The following PPARG variants were observed in gnomAD, a reference collection of about 807,000 sequenced individuals.
PPARG encodes peroxisome proliferator activated receptor gamma.
Under a neutral mutation model 39.2 loss-of-function variants are expected in PPARG, and 17 were observed. The ratio of observed to expected loss-of-function variants is 0.43; its 90% confidence interval spans 0.30 to 0.65. The LOEUF is 0.65. PPARG is among the 30% of genes least tolerant of loss of function. The pLI, the probability that PPARG is intolerant of heterozygous loss-of-function variation, is 0.13. For missense variants in PPARG, 406 were observed against 585.9 expected, an observed-to-expected ratio of 0.69 and a Z score of 3.17; for synonymous variants, 223 against 215.7, an observed-to-expected ratio of 1.03 and a Z score of -0.30.
At chr3:12,401,015 T>C (rs909461190) in intron 5 of PPARG, among the ~76,000 whole-genome samples, 24 of 152,344 alleles carry the variant, frequency 1.6e-4, no homozygotes, top group African/African-American at 5.3e-4. Context: ...CAGTAAGACA[T>C]GAAGCATTTT....
chr3:12,287,505 C>T (rs2046526132), upstream of PPARG: 3 of 152,178 alleles, frequency 2.0e-5, no homozygotes, highest in Non-Finnish European at 4.4e-5. Context: ...ACGGCCTGGC[C>T]GATCGCCGTG....
At chr3:12,354,186 C>A (rs2048580786) in intron 2 of PPARG, among the ~76,000 whole-genome samples, 1 of 152,162 alleles carries the variant, frequency 6.6e-6, no homozygotes, top group African/African-American at 2.4e-5. Context: ...AAAGTTTTCA[C>A]CTTTCCAGAA....
In PPARG at chr3:12,386,159, C is replaced by T. The variant is rs182669015; in HGVS notation, c.390+4668C>T. ...ATAAAAAAGTGTTATTAGAGTGTTT[C>T]TTCATCAGTAATATGAAGAAAATTT... On this transcript the variant is annotated intron_variant, in intron 4 of 7. Coordinates refer to ENST00000651735, the MANE Select transcript of PPARG (RefSeq NM_138711.6). 3.1e-3 allele frequency among the ~76,000 whole-genome samples: 467 copies of T among 152,186 alleles called. 2 individuals are homozygous for T. Among genetic ancestry groups the T allele is most frequent in the South Asian group, 9.8e-3 (47 of 4,810 alleles).
chr3:12,389,481 G>A (rs2049993156), intron 4 of PPARG, among the ~76,000 whole-genome samples: 1 of 152,118 alleles, frequency 6.6e-6, no homozygotes, highest in Admixed American at 6.5e-5. Flanking sequence ...AAAGAGAAAA[G>A]GTAGATCACC....
At chr3:12,318,986 AT>A (rs1203418449) in intron 2 of PPARG, among the ~76,000 whole-genome samples, 1 of 152,214 alleles carries the variant, frequency 6.6e-6, no homozygotes, top group Non-Finnish European at 1.5e-5. Flanking sequence ...GACATAGGAA[AT>A]TTAGTGACGT....
At chr3:12,398,803 A>C (rs2050360293) in intron 5 of PPARG, among the ~76,000 whole-genome samples, 1 of 152,250 alleles carries the variant, frequency 6.6e-6, no homozygotes, top group Non-Finnish European at 1.5e-5. Flanking sequence ...GTTCTGGCCG[A>C]GAGAAAAGCA....
At chr3:12,405,799 G>A (rs1553647962) in intron 5 of PPARG, 83 bp from the exon 6 acceptor site, 2 of 1,416,320 alleles carry the variant, frequency 1.4e-6, no homozygotes, top group Middle Eastern at 2.4e-4. Context: ...CTACTGTGTG[G>A]GAACGAGGGC....
At chr3:12,382,670 C>G (rs1319978263) in intron 4 of PPARG, among the ~76,000 whole-genome samples, 1 of 152,136 alleles carries the variant, frequency 6.6e-6, no homozygotes, top group African/African-American at 2.4e-5. Flanking sequence ...CAGGTTTTCT[C>G]ATCTATAAAA....
At chr3:12,402,568 A>G (rs2050513843) in intron 5 of PPARG, among the ~76,000 whole-genome samples, 2 of 152,234 alleles carry the variant, frequency 1.3e-5, no homozygotes, top group East Asian at 3.8e-4. Flanking sequence ...ATAGTATAGT[A>G]ACAGTTTAAT....
intron 2 of PPARG, among the ~76,000 whole-genome samples, chr3:12,357,220 G>C (rs2048695040): frequency 6.6e-6 from 1 of 151,892 alleles, no homozygotes; most frequent in Admixed American, 6.6e-5. Flanking sequence ...CATTTCACTT[G>C]TAACAAAAGT....
chr3:12,426,947 AAG>A (rs1383989602), intron 7 of PPARG, among the ~76,000 whole-genome samples: 1 of 152,176 alleles, frequency 6.6e-6, no homozygotes, highest in Non-Finnish European at 1.5e-5. Flanking sequence ...AGAATCACCC[AAG>A]AGCTATTAAA....
At position 12,353,734 on chromosome 3, in the gene PPARG, A is replaced by G. The variant is rs4135305; in HGVS notation, c.-8-25970A>G. Among the ~76,000 whole-genome samples the G allele has an allele frequency of 3.8e-3, 572 of 152,324 alleles. 4 individuals are homozygous for G. Among genetic ancestry groups the G allele is most frequent in the African/African-American group, 0.013 (550 of 41,572 alleles). ...ACTTCCATACTTTTTCCAAGGCTCC[A>G]TCATTGCTGTGACCCCTTTATATTA... On this transcript the variant is annotated intron_variant, in intron 2 of 7. Coordinates refer to ENST00000651735, the MANE Select transcript of PPARG (RefSeq NM_138711.6).
In PPARG at chr3:12,377,960, A is replaced by G; in HGVS notation, c.-8-1744A>G. Among the ~76,000 whole-genome samples the G allele has an allele frequency of 1.3e-5, 2 of 152,204 alleles. 1 individual carries two copies. Among genetic ancestry groups the G allele is most frequent in the Non-Finnish European group, 2.9e-5 (2 of 68,014 alleles). ...CAAATAACCCAGTTAAAAAATGATAAAGGAATATCCATTTCTAGAAAGAAG... is the reference window on the plus strand; with the variant it reads ...CAAATAACCCAGTTAAAAAATGATAGAGGAATATCCATTTCTAGAAAGAAG... On this transcript the variant is annotated intron_variant, in intron 2 of 7. Transcript: ENST00000651735.
upstream of PPARG, chr3:12,287,744 G>T (rs1436179967): frequency 4.7e-5 from 7 of 150,192 alleles, no homozygotes; most frequent in Admixed American, 1.3e-4. Flanking sequence ...CCTACTGTGC[G>T]CGGGCGGCGG....
intron 4 of PPARG, 56 bp downstream of exon 4, chr3:12,381,547 G>A (rs2049662486): frequency 6.4e-7 from 1 of 1,555,834 alleles, no homozygotes; most frequent in Non-Finnish European, 8.8e-7. Context: ...TTTCATTTCA[G>A]CAGAACCCCT....
intron 2 of PPARG, among the ~76,000 whole-genome samples, chr3:12,334,183 A>G (rs2047943674): frequency 6.6e-6 from 1 of 151,744 alleles, no homozygotes; most frequent in African/African-American, 2.4e-5. Flanking sequence ...CTGATTTACT[A>G]AAAAAAAGTT....
Position 12,416,799 on chromosome 3 carries a change from G to A in PPARG, c.825G>A (p.Val275=). 3 of 1,614,102 alleles carry A rather than the reference G, an allele frequency of 1.9e-6. No homozygotes were observed. Among genetic ancestry groups the A allele is most frequent in the Non-Finnish European group, 2.5e-6 (3 of 1,179,972 alleles). ...ITPLQEQSKE[V]AIRIFQGCQF... is the part of the protein sequence containing the mutation. ...CCCTGCAGGAGCAGAGCAAAGAGGTGGCCATCCGCATCTTTCAGGGCTGCC... is the reference window on the plus strand; with the variant it reads ...CCCTGCAGGAGCAGAGCAAAGAGGTAGCCATCCGCATCTTTCAGGGCTGCC... Residue 275 remains valine, a synonymous_variant, in exon 7 of 8, where the codon GTG becomes GTA. Coordinates refer to ENST00000651735, the MANE Select transcript of PPARG (RefSeq NM_138711.6).
At chr3:12,417,881 TTTTTTTCTTTTTTTTTTTTCC>T (rs2051119014) in intron 7 of PPARG, among the ~76,000 whole-genome samples, 1 of 132,814 alleles carries the variant, frequency 7.5e-6, no homozygotes, top group Non-Finnish European at 1.6e-5. Flanking sequence ...TTTTTTCTTT[TTTTTTTCTTTTTTTTTTTTCC>T]TTTTTTTTTT....
chr3:12,335,025 G>A (rs1275786930), intron 2 of PPARG, among the ~76,000 whole-genome samples: 1 of 152,164 alleles, frequency 6.6e-6, no homozygotes, highest in African/African-American at 2.4e-5. Flanking sequence ...TTGCAAAATT[G>A]GGAGTAATAG....
Sources: allele counts gnomAD v4.1 joint callset (sites outside exome capture counted in the v4.1 genomes callset), GRCh38; gene constraint gnomAD v4.1.1; transcripts MANE v1.5; gene names NCBI Gene and HGNC (gene_info 2026-07-23, HGNC 2026-07-21).